SLC2A9: variants seen among roughly 807,000 people sequenced by gnomAD.
SLC2A9 encodes the protein solute carrier family 2 member 9.
A neutral mutation model predicts 50.6 loss-of-function variants in SLC2A9; 39 were observed. The ratio of observed to expected loss-of-function variants is 0.77; its 90% CI spans 0.60 to 1.01. SLC2A9 has a LOEUF of 1.01. SLC2A9 is among the 50% of genes least tolerant of loss of function. The probability of loss-of-function intolerance (pLI) is 0.00; values close to 1 mark genes in which losing one functional copy is unlikely to be tolerated. For synonymous variants in SLC2A9, 324 were observed against 276.9 expected, an observed-to-expected ratio of 1.17 and a Z score of -1.69; for missense variants, 686 against 677.6, an observed-to-expected ratio of 1.01 and a Z score of -0.14.
At chr4:9,851,247 G>T (rs569451157) in intron 10 of SLC2A9, among the ~76,000 whole-genome samples, 1 of 152,282 alleles carries the variant, frequency 6.6e-6, no homozygotes, top group East Asian at 1.9e-4. Context: ...AGGGGCCAGA[G>T]AACAAATCTA....
At chr4:9,782,259 A>C (rs1279833481) in intron 3 of SLC2A9, 1 of 1,613,696 alleles carries the variant, frequency 6.2e-7, no homozygotes, top group Non-Finnish European at 8.5e-7. Context: ...AACATGACCA[A>C]CGTCTTCATC....
At chr4:9,943,736 T>C (rs1238217969) in intron 5 of SLC2A9, among the ~76,000 whole-genome samples, 2 of 152,168 alleles carry the variant, frequency 1.3e-5, no homozygotes, top group African/African-American at 4.8e-5. Flanking sequence ...GCTAGGCCTG[T>C]GTGTGGTGGT....
chr4:9,859,419 T>C (rs1436000188), intron 10 of SLC2A9, among the ~76,000 whole-genome samples: 6 of 152,236 alleles, frequency 3.9e-5, no homozygotes. Context: ...GGTGGTCTTA[T>C]CTCCAATTTA....
At chr4:9,972,464 G>A (rs900642473) in intron 5 of SLC2A9, among the ~76,000 whole-genome samples, 2 of 152,152 alleles carry the variant, frequency 1.3e-5, no homozygotes, top group African/African-American at 4.8e-5. Context: ...CATGGAACCA[G>A]CATTAATTCC....
At chr4:10,027,359 C>T (rs769299588) in intron 1 of SLC2A9, among the ~76,000 whole-genome samples, 4 of 152,124 alleles carry the variant, frequency 2.6e-5, no homozygotes, top group Non-Finnish European at 4.4e-5. Flanking sequence ...TAGAAAAAAA[C>T]GTGTCTTTGA....
intron 7 of SLC2A9, among the ~76,000 whole-genome samples, chr4:9,910,439 G>A (rs183430753): frequency 5.5e-4 from 84 of 152,284 alleles, no homozygotes; most frequent in African/African-American, 8.7e-4. Context: ...CCAGTGCACC[G>A]TCAGGGTTGG....
At chr4:9,837,038 T>C (rs928442250) in intron 10 of SLC2A9, among the ~76,000 whole-genome samples, 8 of 152,162 alleles carry the variant, frequency 5.3e-5, no homozygotes, top group African/African-American at 1.2e-4. Flanking sequence ...CCCACTATGA[T>C]GCCAGCAAGG....
At chr4:9,931,163 A>C (rs1745823879) in intron 6 of SLC2A9, among the ~76,000 whole-genome samples, 1 of 152,214 alleles carries the variant, frequency 6.6e-6, no homozygotes, top group Non-Finnish European at 1.5e-5. Context: ...TCTCCAAGTC[A>C]TTTAAAAATA....
rs939689642 is a variant in SLC2A9, at chr4:9,880,342, G to A, written c.1291+7225C>T. 9.1e-6 allele frequency: 9 copies of A among 985,634 alleles called. No individual in the cohort carries two copies. The African/African-American group carries it at 1.2e-4, about 13-fold the overall frequency. The allele number at this position is 985,634 out of a possible 1,614,324, so 61.1% of individuals were successfully genotyped here. A position where few individuals can be genotyped will look rare whatever the true frequency, so the allele number is the denominator to read the frequency against. ...CACAGGGGGTTGAAGATGGATTGAG[G>A]AAGCGGAGGGCAGGGGCTGACAGGT... On this transcript the variant is annotated intron_variant, in intron 10 of 11. Transcript: ENST00000264784.
Position 10,019,000 on chromosome 4 carries a change from A to C in SLC2A9, c.224T>G (p.Leu75Arg), listed in dbSNP as rs863225072. The C allele has an allele frequency of 3.4e-5, 52 of 1,550,236 alleles. No individual in the cohort carries two copies. Among genetic ancestry groups the C allele is most frequent in the Middle Eastern group, 1.9e-4 (1 of 5,202 alleles). ...FGSSFLYGYN[L>R]SVVNAPTPYI... ...CGGGGTGGGGGCATTCACCACCGACAGGTTGTAGCCGTAGAGGAAGGAGGA... is the reference window on the plus strand; with the variant it reads ...CGGGGTGGGGGCATTCACCACCGACCGGTTGTAGCCGTAGAGGAAGGAGGA... Residue 75 changes from leucine to arginine, a missense_variant, in exon 2 of 12, where the codon CTG becomes CGG. By Grantham distance (102) the Leu-to-Arg change is moderately radical. Transcript: ENST00000264784.
At chr4:9,861,095 A>G (rs1731548763) in intron 10 of SLC2A9, among the ~76,000 whole-genome samples, 1 of 152,164 alleles carries the variant, frequency 6.6e-6, no homozygotes, top group Non-Finnish European at 1.5e-5. Context: ...GCTATAAAGA[A>G]ATACCTGAGA....
intron 3 of SLC2A9, among the ~76,000 whole-genome samples, chr4:9,789,026 C>T (rs1174021694): frequency 4.6e-5 from 7 of 152,190 alleles, no homozygotes; most frequent in African/African-American, 1.7e-4. Context: ...CATGTATATA[C>T]ATGCACACAT....
At chr4:9,988,204 T>G (rs1757071367) in intron 3 of SLC2A9, among the ~76,000 whole-genome samples, 1 of 152,230 alleles carries the variant, frequency 6.6e-6, no homozygotes. Flanking sequence ...TAGTGAGAAG[T>G]GGTCAGATCC....
intron 6 of SLC2A9, among the ~76,000 whole-genome samples, chr4:9,932,719 T>C (rs1016253859): frequency 2.0e-5 from 3 of 152,252 alleles, no homozygotes; most frequent in Non-Finnish European, 4.4e-5. Flanking sequence ...TATGAACTTG[T>C]TGCATTTGCC....
intron 7 of SLC2A9, among the ~76,000 whole-genome samples, chr4:9,918,597 G>T (rs1743333001): frequency 6.6e-6 from 1 of 152,224 alleles, no homozygotes. Flanking sequence ...AGGCCTAACA[G>T]TGCGGCCTAA....
intron 3 of SLC2A9, among the ~76,000 whole-genome samples, chr4:9,793,597 T>G (rs1720234769): frequency 6.6e-6 from 1 of 152,220 alleles, no homozygotes; most frequent in Non-Finnish European, 1.5e-5. Flanking sequence ...GATTTTCTAT[T>G]GAAAGAAGTG....
intron 5 of SLC2A9, among the ~76,000 whole-genome samples, chr4:9,948,651 C>T (rs903279896): frequency 2.0e-5 from 3 of 152,216 alleles, no homozygotes; most frequent in Non-Finnish European, 2.9e-5. Context: ...TCTGTTCCCC[C>T]ACCTCCAAAT....
intron 5 of SLC2A9, among the ~76,000 whole-genome samples, chr4:9,979,282 A>G (rs887534004): frequency 2.6e-5 from 4 of 152,282 alleles, no homozygotes; most frequent in East Asian, 3.9e-4. Flanking sequence ...TTTGAGCAGC[A>G]TAACAAATGA....
intron 11 of SLC2A9, among the ~76,000 whole-genome samples, chr4:9,832,544 C>T (rs1726347663): frequency 6.6e-6 from 1 of 152,254 alleles, no homozygotes; most frequent in African/African-American, 2.4e-5. Flanking sequence ...CCCTGAAAAC[C>T]CAGACACCCT....
Sources: gnomAD v4.1 joint callset for allele counts (sites outside exome capture counted in the v4.1 genomes callset) on GRCh38, gnomAD v4.1.1 for gene constraint, MANE v1.5 for transcripts, NCBI Gene and HGNC (gene_info 2026-07-23, HGNC 2026-07-21) for gene names.